CLIC5: variants seen among roughly 807,000 people sequenced by gnomAD.
CLIC5 encodes chloride intracellular channel protein 5.
A neutral mutation model predicts 24.7 loss-of-function variants in CLIC5; 20 were observed. The ratio of observed to expected loss-of-function variants is 0.81; its 90% confidence interval spans 0.57 to 1.18. The LOEUF (loss-of-function observed/expected upper bound fraction) is 1.18, where lower values mean the gene tolerates loss of function less well. Ranked by LOEUF, CLIC5 falls within the 50% of genes most tolerant of loss-of-function variation. The probability of loss-of-function intolerance (pLI) is 0.00; values close to 1 mark genes in which losing one functional copy is unlikely to be tolerated. For synonymous variants in CLIC5, 159 were observed against 135.6 expected (o/e 1.17, Z -1.20); for missense variants, 341 against 326.1 (o/e 1.05, Z -0.35).
chr6:45,974,518 TATATAGAGAG>T (rs1400824785), intron 1 of CLIC5, among the ~76,000 whole-genome samples: 3,988 of 83,472 alleles, frequency 0.048, 33 homozygotes, highest in Non-Finnish European at 0.063. Context: ...TATATATATA[TATATAGAGAG>T]AGAGAGAGAG....
At position 45,958,439 on chromosome 6, in the gene CLIC5, T is replaced by TATATATACACACACACACAC. The variant is rs1350209541; in HGVS notation, c.64-3196_64-3195insGTGTGTGTGTGTGTATATAT. 3.2e-4 allele frequency among the ~76,000 whole-genome samples: 4 copies of TATATATACACACACACACAC among 12,394 alleles called. 1 individual carries two copies. The highest frequency in any genetic ancestry group is 9.7e-4 in the African/African-American group (4 of 4,120). 8.1% of individuals were successfully genotyped at this position (12,394 alleles called of 152,430 possible). A position where few individuals can be genotyped will look rare whatever the true frequency, so the allele number is the denominator to read the frequency against. ...AAAGACAATTATATATATATATATA[T>TATATATACACACACACACAC]ATATATATATATATATATATATATA... On this transcript the variant is annotated intron_variant, in intron 1 of 5. Coordinates refer to ENST00000339561, the MANE Select transcript of CLIC5 (RefSeq NM_016929.5).
the CLIC5 span, among the ~76,000 whole-genome samples, chr6:46,128,355 C>CAT: frequency 6.6e-6 from 1 of 152,194 alleles, no homozygotes; most frequent in South Asian, 2.1e-4. Flanking sequence ...ACCCTTTAAG[C>CAT]ATACATATGC....
downstream of CLIC5, among the ~76,000 whole-genome samples, chr6:45,894,347 A>C (rs1378220955): frequency 1.3e-5 from 2 of 152,220 alleles, no homozygotes; most frequent in Admixed American, 6.5e-5. Context: ...CCAGAAATCT[A>C]TTCTAAGGGA....
At chr6:45,906,564 CTT>C (rs35362216) in intron 5 of CLIC5, among the ~76,000 whole-genome samples, 60 of 141,658 alleles carry the variant, frequency 4.2e-4, no homozygotes, top group Admixed American at 6.3e-4. Context: ...TGTACATTGA[CTT>C]TTTTTTTTTT....
chr6:45,902,819 T>G lies in CLIC5; in HGVS notation c.*269A>C, dbSNP rs1762544539. On this transcript the variant is annotated 3_prime_UTR_variant, in exon 6 of 6. Transcript: ENST00000339561. ...CATATGTGGGCTCTCCAACACTGAC[T>G]GACCCCAAACATGCTGAGCCCAGAT... 4.2e-6 allele frequency: 2 copies of G among 481,622 alleles called. No homozygotes were observed. Among genetic ancestry groups the G allele is most frequent in the African/African-American group, 2.0e-5 (1 of 50,012 alleles). The allele number at this position is 481,622 out of a possible 1,614,324, so 29.8% of individuals were successfully genotyped here. A position where few individuals can be genotyped will look rare whatever the true frequency, so the allele number is the denominator to read the frequency against.
intron 6 of CLIC5, among the ~76,000 whole-genome samples, chr6:45,887,927 T>C (rs1762319504): frequency 1.3e-5 from 2 of 152,240 alleles, no homozygotes; most frequent in South Asian, 2.1e-4. Context: ...AATCAATGAA[T>C]GTTAATGGAC....
intron 5 of CLIC5, chr6:45,913,739 C>T: frequency 8.2e-7 from 1 of 1,214,540 alleles, no homozygotes; most frequent in Non-Finnish European, 1.0e-6. Flanking sequence ...CAACCTCCAC[C>T]TCTTCATTTG....
chr6:45,881,406 C>G (rs528589707), intron 6 of CLIC5, among the ~76,000 whole-genome samples: 50 of 152,158 alleles, frequency 3.3e-4, no homozygotes, highest in Non-Finnish European at 6.9e-4. Context: ...TGCCCTGCCT[C>G]CTTCTTAAAA....
At chr6:45,947,931 T>C (rs139634979) in intron 3 of CLIC5, among the ~76,000 whole-genome samples, 1 of 152,314 alleles carries the variant, frequency 6.6e-6, no homozygotes, top group East Asian at 1.9e-4. Context: ...GCTGACTGAA[T>C]ATGGATGACA....
chr6:45,896,610 A>G (rs1293920963), downstream of CLIC5, among the ~76,000 whole-genome samples: 1 of 152,248 alleles, frequency 6.6e-6, no homozygotes, highest in Admixed American at 6.5e-5. Context: ...CAAAAGAAAT[A>G]AATAAAAGCA....
chr6:45,945,832 A>C (rs1764272983), intron 3 of CLIC5, among the ~76,000 whole-genome samples: 1 of 152,208 alleles, frequency 6.6e-6, no homozygotes, highest in African/African-American at 2.4e-5. Flanking sequence ...AATGAATTCA[A>C]GTTGTCTTCC....
chr6:45,920,699 G>A (rs1413136956), intron 4 of CLIC5: 1 of 974,846 alleles, frequency 1.0e-6, no homozygotes, highest in Non-Finnish European at 1.2e-6. Flanking sequence ...GCTAGGACAA[G>A]AGGAAGAGAC....
downstream of CLIC5, among the ~76,000 whole-genome samples, chr6:45,893,859 A>T (rs1402716808): frequency 2.6e-5 from 4 of 152,200 alleles, no homozygotes; most frequent in African/African-American, 9.7e-5. Flanking sequence ...ATGTGGACTA[A>T]AAAAAGAAAT....
chr6:45,912,148 G>T (rs1228515572), intron 5 of CLIC5: 22 of 986,438 alleles, frequency 2.2e-5, no homozygotes, highest in Non-Finnish European at 2.6e-5. Context: ...ATTAAGTTTT[G>T]GCATCCGAAG....
intron 1 of CLIC5, among the ~76,000 whole-genome samples, chr6:46,008,393 G>T (rs1317282823): frequency 3.9e-5 from 6 of 152,064 alleles, no homozygotes; most frequent in Admixed American, 1.3e-4. Flanking sequence ...CCTACCCAAA[G>T]CTGGGCCTGA....
chr6:45,983,559 C>T (rs956585062), intron 1 of CLIC5, among the ~76,000 whole-genome samples: 6 of 152,184 alleles, frequency 3.9e-5, no homozygotes, highest in African/African-American at 7.2e-5. Context: ...GAGTTACAGA[C>T]GCTTGGGATC....
intron 4 of CLIC5, among the ~76,000 whole-genome samples, chr6:45,921,642 A>G (rs1450082471): frequency 6.6e-6 from 1 of 151,870 alleles, no homozygotes; most frequent in Non-Finnish European, 1.5e-5. Context: ...GCAGAAATTC[A>G]GTGTCTGAAG....
chr6:46,060,520 G>A (rs1376153369), intron 1 of CLIC5, among the ~76,000 whole-genome samples: 1 of 152,134 alleles, frequency 6.6e-6, no homozygotes, highest in African/African-American at 2.4e-5. Flanking sequence ...CAGCAATCTA[G>A]TGAAAGGTTA....
chr6:45,967,365 G>A (rs1318280342), intron 1 of CLIC5, among the ~76,000 whole-genome samples: 1 of 152,224 alleles, frequency 6.6e-6, no homozygotes, highest in Non-Finnish European at 1.5e-5. Flanking sequence ...AGACATGATG[G>A]CCAGGTCATC....
Sources: gnomAD v4.1 joint callset for allele counts (sites outside exome capture counted in the v4.1 genomes callset) on GRCh38, gnomAD v4.1.1 for gene constraint, MANE v1.5 for transcripts, NCBI Gene and HGNC (gene_info 2026-07-23, HGNC 2026-07-21) for gene names.